PCDH15: variants seen among roughly 807,000 people sequenced by gnomAD.
PCDH15 encodes protocadherin related 15.
PCDH15 carries 129 observed loss-of-function variants against 178.5 expected under a neutral mutation model. The observed-to-expected ratio is 0.72, with a 90% confidence interval of 0.63 to 0.84. The LOEUF is 0.84. Ranked by LOEUF, PCDH15 falls within the 40% of genes least tolerant of loss-of-function variation. The probability of loss-of-function intolerance (pLI) is 0.00; values close to 1 mark genes in which losing one functional copy is unlikely to be tolerated. For missense variants in PCDH15, 2,230 were observed against 2,099.9 expected (o/e 1.06, Z -1.21); for synonymous variants, 800 against 732.0 (o/e 1.09, Z -1.50).
In PCDH15 at chr10:54,893,213, T is replaced by G. The variant is rs1418427310; in HGVS notation, c.-29+4237A>C. Among the ~76,000 whole-genome samples, 5 of 152,100 alleles carry G rather than the reference T, an allele frequency of 3.3e-5. No individual in the cohort carries two copies. In the East Asian group the frequency reaches 9.6e-4, roughly 29 times the overall value. ...ATTTTGAAATACACAAAAAAGGAAA[T>G]TTTTAAAAAATTCTAAAAATTACAC... is the stretch of plus-strand genomic sequence containing the variant. On this transcript the variant is annotated intron_variant, in intron 3 of 5. Transcript: ENST00000458638.
At chr10:54,618,203 T>C (rs1173985161) in intron 2 of PCDH15, among the ~76,000 whole-genome samples, 2 of 152,076 alleles carry the variant, frequency 1.3e-5, no homozygotes, top group Admixed American at 6.6e-5. Flanking sequence ...GTATTTGAGG[T>C]TCAAATGCAC....
rs948463263 is a variant in PCDH15 at position 55,605,572 on chromosome 10, G to C, written c.-156+22053C>G. Reference sequence around the variant, plus strand: ...CATGATCAAGTGGGCTTCATCCCTGGGATGCAAGGCTGGTTCATTATACGC... The same window carrying C: ...CATGATCAAGTGGGCTTCATCCCTGCGATGCAAGGCTGGTTCATTATACGC... On this transcript the variant is annotated intron_variant, in intron 2 of 5. Transcript: ENST00000613346. Among the ~76,000 whole-genome samples the C allele has an allele frequency of 5.3e-5, 8 of 150,272 alleles. No homozygotes were observed. In the East Asian group the frequency reaches 9.8e-4, roughly 18 times the overall value.
chr10:54,547,268 G>T (rs1208167401), intron 2 of PCDH15, among the ~76,000 whole-genome samples: 2 of 151,982 alleles, frequency 1.3e-5, no homozygotes, highest in Non-Finnish European at 2.9e-5. Flanking sequence ...TATATACATA[G>T]CAAGCTGGCT....
chr10:54,169,216 C>T (rs1287823538), intron 13 of PCDH15, among the ~76,000 whole-genome samples: 2 of 109,276 alleles, frequency 1.8e-5, no homozygotes, highest in African/African-American at 3.7e-5. Flanking sequence ...CTCGGCTTAG[C>T]GGCTGAAGAC....
intron 2 of PCDH15, among the ~76,000 whole-genome samples, chr10:54,904,878 T>C (rs1428187030): frequency 7.4e-6 from 1 of 134,242 alleles, no homozygotes; most frequent in Non-Finnish European, 1.7e-5. Flanking sequence ...AAGGTGGGTA[T>C]AAATTAAAAA....
chr10:54,571,569 G>C (rs2089847928), intron 2 of PCDH15, among the ~76,000 whole-genome samples: 1 of 151,952 alleles, frequency 6.6e-6, no homozygotes, highest in African/African-American at 2.4e-5. Context: ...TCATTACAAT[G>C]GTTTAGTGAG....
At chr10:55,370,290 C>A (rs566280687) in intron 2 of PCDH15, among the ~76,000 whole-genome samples, 1 of 152,006 alleles carries the variant, frequency 6.6e-6, no homozygotes, top group Non-Finnish European at 1.5e-5. Context: ...TGCATTGAAC[C>A]AACCAGATTG....
chr10:54,995,708 C>T (rs1216817948), intron 2 of PCDH15, among the ~76,000 whole-genome samples: 1 of 151,468 alleles, frequency 6.6e-6, no homozygotes. Context: ...GAGTTCCTTT[C>T]TCAGGAAACC....
intron 5 of PCDH15, among the ~76,000 whole-genome samples, chr10:54,363,694 G>A (rs75593158): frequency 0.018 from 2,737 of 152,186 alleles, 88 homozygotes; most frequent in African/African-American, 0.062. Context: ...AATAACTAAT[G>A]TAATTGTGCC....
At chr10:54,377,644 G>T (rs1948644151) in intron 4 of PCDH15, among the ~76,000 whole-genome samples, 1 of 152,060 alleles carries the variant, frequency 6.6e-6, no homozygotes, top group Non-Finnish European at 1.5e-5. Flanking sequence ...TAAACCCTGA[G>T]CAATGATGTG....
chr10:54,815,902 GA>G (rs1346889197), intron 3 of PCDH15, among the ~76,000 whole-genome samples: 1 of 151,804 alleles, frequency 6.6e-6, no homozygotes, highest in Non-Finnish European at 1.5e-5. Flanking sequence ...TGCTTTATTG[GA>G]AAAATACACT....
intron 26 of PCDH15, among the ~76,000 whole-genome samples, chr10:53,893,751 C>T (rs574889401): frequency 1.8e-4 from 28 of 152,112 alleles, no homozygotes; most frequent in South Asian, 6.2e-4. Flanking sequence ...GCTATGAGGA[C>T]GCAAAGGCAT....
chr10:55,017,695 T>C (rs981985387), intron 2 of PCDH15, among the ~76,000 whole-genome samples: 2 of 152,110 alleles, frequency 1.3e-5, no homozygotes, highest in Non-Finnish European at 2.9e-5. Context: ...CAATAAATTA[T>C]TATCTAGTGG....
At chr10:55,329,342 T>C (rs1844131970) in intron 2 of PCDH15, among the ~76,000 whole-genome samples, 1 of 151,716 alleles carries the variant, frequency 6.6e-6, no homozygotes, top group African/African-American at 2.4e-5. Flanking sequence ...TAGCAAAATA[T>C]GTATTCTTGT....
At chr10:54,462,859 C>A (rs750180834) in intron 3 of PCDH15, among the ~76,000 whole-genome samples, 2 of 151,520 alleles carry the variant, frequency 1.3e-5, no homozygotes, top group Non-Finnish European at 2.9e-5. Context: ...TGTTATATAT[C>A]AACTGCTGGG....
At chr10:54,233,155 G>A (rs2054258000) in intron 9 of PCDH15, among the ~76,000 whole-genome samples, 1 of 151,938 alleles carries the variant, frequency 6.6e-6, no homozygotes, top group South Asian at 2.1e-4. Context: ...TATTGCCCAG[G>A]CTGGTCTCAA....
intron 1 of PCDH15, among the ~76,000 whole-genome samples, chr10:54,732,875 T>C (rs1032648859): frequency 6.6e-6 from 1 of 151,558 alleles, no homozygotes; most frequent in Non-Finnish European, 1.5e-5. Flanking sequence ...AGAGCCTGTT[T>C]CAACATCAGA....
chr10:54,987,980 A>AT (rs1839413030), intron 2 of PCDH15, among the ~76,000 whole-genome samples: 1 of 151,780 alleles, frequency 6.6e-6, no homozygotes, highest in Non-Finnish European at 1.5e-5. Flanking sequence ...TTCTTCTAGG[A>AT]TTTTTATGGT....
chr10:55,267,665 A>G (rs73252122), intron 1 of PCDH15, among the ~76,000 whole-genome samples: 141 of 152,320 alleles, frequency 9.3e-4, no homozygotes, highest in African/African-American at 3.3e-3. Context: ...TGTTTTTCTT[A>G]TTCAAAAAAT....
Sources: allele counts gnomAD v4.1 joint callset (sites outside exome capture counted in the v4.1 genomes callset), GRCh38; gene constraint gnomAD v4.1.1; transcripts MANE v1.5; gene names NCBI Gene and HGNC (gene_info 2026-07-23, HGNC 2026-07-21).